The following PTPRD variants were observed in gnomAD, a reference collection of about 807,000 sequenced individuals.
PTPRD encodes the protein protein tyrosine phosphatase receptor type D, also known as receptor-type tyrosine-protein phosphatase delta.
PTPRD carries 34 observed loss-of-function variants against 214.5 expected under a neutral mutation model. The ratio of observed to expected loss-of-function variants is 0.16; its 90% CI spans 0.12 to 0.21. The LOEUF is 0.21. Among genes scored for constraint, PTPRD ranks in the 10% least tolerant of loss-of-function variants. PTPRD has a pLI of 1.00. For missense variants in PTPRD, 2,545 were observed against 2,398.7 expected (o/e 1.06, Z -1.27); for synonymous variants, 1,128 against 845.7 (o/e 1.33, Z -5.79).
At position 10,029,260 on chromosome 9, in the gene PTPRD, G is replaced by T. The variant is rs147697042; in HGVS notation, c.-472+4458C>A. On this transcript the variant is annotated intron_variant, in intron 4 of 45. Transcript: ENST00000381196. ...TGGAGAACCTCTGCTAGGGCAGTGT[G>T]GAAGGGAAATGTGGGGTTGGAGCCC... Among the ~76,000 whole-genome samples, 1,333 of 152,322 alleles carry T rather than the reference G, an allele frequency of 8.8e-3. 15 individuals are homozygous for T. The highest frequency in any genetic ancestry group is 0.03 in the African/African-American group (1,255 of 41,560).
At chr9:9,618,604 AAG>A (rs1273334992) in intron 7 of PTPRD, among the ~76,000 whole-genome samples, 3 of 152,162 alleles carry the variant, frequency 2.0e-5, no homozygotes, top group Non-Finnish European at 4.4e-5. Flanking sequence ...TGTACTGTTA[AAG>A]AGAGGAAACA....
intron 21 of PTPRD, among the ~76,000 whole-genome samples, chr9:8,510,090 C>G (rs755923223): frequency 6.6e-6 from 1 of 151,902 alleles, no homozygotes; most frequent in Non-Finnish European, 1.5e-5. Flanking sequence ...TCGAGACCAG[C>G]CCAGGCAACA....
At chr9:8,938,056 C>T (rs1938543020) in intron 11 of PTPRD, among the ~76,000 whole-genome samples, 1 of 152,044 alleles carries the variant, frequency 6.6e-6, no homozygotes, top group African/African-American at 2.4e-5. Context: ...AAAAGGGAGG[C>T]AGACAAATGA....
At chr9:8,636,585 A>C (rs1301333722) in intron 13 of PTPRD, 114 bp downstream of exon 13, 3 of 1,297,618 alleles carry the variant, frequency 2.3e-6, no homozygotes, top group Non-Finnish European at 1.1e-6. Context: ...CAATGTAAGG[A>C]ATACCATATA....
intron 2 of PTPRD, among the ~76,000 whole-genome samples, chr9:10,376,004 C>G (rs2097720986): frequency 6.6e-6 from 1 of 151,916 alleles, no homozygotes; most frequent in African/African-American, 2.4e-5. Flanking sequence ...GTTATAATGT[C>G]ATACACTCTT....
At chr9:9,583,041 A>G (rs755038425) in intron 7 of PTPRD, among the ~76,000 whole-genome samples, 5 of 152,084 alleles carry the variant, frequency 3.3e-5, no homozygotes, top group Non-Finnish European at 7.4e-5. Context: ...AATAAATAGT[A>G]TAGGCTGGAA....
Position 8,340,489 on chromosome 9 carries a change from A to C in PTPRD, c.5127-20T>G, listed in dbSNP as rs1401734518. 6.4e-7 allele frequency: 1 copy of C among 1,552,210 alleles called. No homozygotes were observed. The highest frequency in any genetic ancestry group is 8.8e-7 in the Non-Finnish European group (1 of 1,136,236). On this transcript the variant is annotated intron_variant, in intron 41 of 45. Transcript: ENST00000381196. ...TGTTGTCTGAATTACAGAGAATGAA[A>C]AGAATGTGTTAAAGTATTTAGAGAA...
At chr9:8,602,114 C>G (rs1358259317) in intron 14 of PTPRD, among the ~76,000 whole-genome samples, 1 of 152,100 alleles carries the variant, frequency 6.6e-6, no homozygotes, top group Non-Finnish European at 1.5e-5. Context: ...GACAGGAACT[C>G]CCTCTGCATA....
chr9:9,316,959 C>T (rs1963538302), intron 9 of PTPRD, among the ~76,000 whole-genome samples: 1 of 152,066 alleles, frequency 6.6e-6, no homozygotes, highest in Non-Finnish European at 1.5e-5. Context: ...AGGAATCTGC[C>T]CTCATTTCTT....
At chr9:9,322,598 A>G (rs1489179681) in intron 9 of PTPRD, among the ~76,000 whole-genome samples, 2 of 152,188 alleles carry the variant, frequency 1.3e-5, no homozygotes, top group African/African-American at 2.4e-5. Flanking sequence ...TCTAGGAGTA[A>G]CATATGCATG....
In PTPRD at chr9:8,408,947, T is replaced by C. The variant is rs564971135; in HGVS notation, c.4087-4287A>G. Among the ~76,000 whole-genome samples, 7 of 152,322 alleles carry C rather than the reference T, an allele frequency of 4.6e-5. No individual in the cohort carries two copies. The South Asian group carries it at 1.0e-3, about 23-fold the overall frequency. ...GCTAATATAAAACACTTTGCATTTA[T>C]TTAGTCTTTAACTTGATGGTCTGAA... On this transcript the variant is annotated intron_variant, in intron 35 of 45. Transcript: ENST00000381196.
chr9:10,161,981 C>T (rs2099129838), intron 3 of PTPRD, among the ~76,000 whole-genome samples: 1 of 151,394 alleles, frequency 6.6e-6, no homozygotes, highest in Non-Finnish European at 1.5e-5. Context: ...AAATGCAAAT[C>T]AAAACTACAA....
intron 9 of PTPRD, among the ~76,000 whole-genome samples, chr9:9,380,479 C>A (rs528926541): frequency 7.7e-4 from 117 of 152,150 alleles, no homozygotes; most frequent in Non-Finnish European, 1.3e-3. Flanking sequence ...TGGATCTCCT[C>A]ATATTTTAGA....
intron 9 of PTPRD, among the ~76,000 whole-genome samples, chr9:9,357,328 G>A (rs1178412055): frequency 6.6e-6 from 1 of 151,198 alleles, no homozygotes; most frequent in Non-Finnish European, 1.5e-5. Context: ...TTCTACTCAT[G>A]GACCTTTGAA....
At chr9:8,772,104 A>C (rs2095252435) in intron 11 of PTPRD, among the ~76,000 whole-genome samples, 1 of 151,966 alleles carries the variant, frequency 6.6e-6, no homozygotes, top group Admixed American at 6.6e-5. Context: ...CACAAAAATT[A>C]AAACTTAAAA....
chr9:10,041,134 A>G (rs573432770), intron 3 of PTPRD, among the ~76,000 whole-genome samples: 24 of 152,090 alleles, frequency 1.6e-4, no homozygotes, highest in Non-Finnish European at 2.9e-4. Flanking sequence ...ACAAAAGCAC[A>G]TTATGCAGTA....
chr9:8,932,526 G>C (rs2098960167), intron 11 of PTPRD, among the ~76,000 whole-genome samples: 1 of 152,158 alleles, frequency 6.6e-6, no homozygotes. Flanking sequence ...TGATCCATAA[G>C]TCCCTGACTG....
intron 3 of PTPRD, among the ~76,000 whole-genome samples, chr9:10,039,673 G>A (rs1162192298): frequency 6.7e-6 from 1 of 150,372 alleles, no homozygotes; most frequent in Non-Finnish European, 1.5e-5. Flanking sequence ...TTTCTTTTCT[G>A]GGGGAAAAAA....
At chr9:10,239,711 A>C (rs961001201) in intron 3 of PTPRD, among the ~76,000 whole-genome samples, 6 of 151,328 alleles carry the variant, frequency 4.0e-5, no homozygotes, top group African/African-American at 1.5e-4. Context: ...CCAGAAAAAA[A>C]TGACAATAAT....
Sources: gnomAD v4.1 joint callset for allele counts (sites outside exome capture counted in the v4.1 genomes callset) on GRCh38, gnomAD v4.1.1 for gene constraint, MANE v1.5 for transcripts, NCBI Gene and HGNC (gene_info 2026-07-23, HGNC 2026-07-21) for gene names.